Variants in SUCO observed in about 807,000 individuals in gnomAD.
The protein encoded by SUCO is SUN domain-containing ossification factor.
In SUCO, 57 loss-of-function variants were observed where a neutral mutation model predicts 148.1. The ratio of observed to expected loss-of-function variants is 0.38; its 90% CI spans 0.31 to 0.48. The LOEUF (loss-of-function observed/expected upper bound fraction) is 0.48, where lower values mean the gene tolerates loss of function less well. Among genes scored for constraint, SUCO ranks in the 20% least tolerant of loss-of-function variants. The pLI is 0.96. For synonymous variants in SUCO, 470 were observed against 502.7 expected, an observed-to-expected ratio of 0.93 and a Z score of 0.87; for missense variants, 1,331 against 1,468.2, an observed-to-expected ratio of 0.91 and a Z score of 1.53.
At chr1:172,600,898 G>C (rs1209254207) in intron 20 of SUCO, among the ~76,000 whole-genome samples, 3 of 152,152 alleles carry the variant, frequency 2.0e-5, no homozygotes, top group African/African-American at 7.2e-5. Context: ...CTGGAGAGTA[G>C]AAACAGTGTA....
intron 1 of SUCO, among the ~76,000 whole-genome samples, chr1:172,541,464 G>A (rs74124231): frequency 0.034 from 5,196 of 152,286 alleles, 268 homozygotes; most frequent in African/African-American, 0.12. Flanking sequence ...AGGGATGACC[G>A]GGCTAAAAAG....
intron 1 of SUCO, chr1:172,542,668 A>C: frequency 1.1e-6 from 1 of 936,212 alleles, no homozygotes; most frequent in Non-Finnish European, 1.3e-6. Flanking sequence ...CATCCATGGC[A>C]AAGTAGTCTT....
intron 10 of SUCO, among the ~76,000 whole-genome samples, chr1:172,574,429 A>G (rs959596467): frequency 2.0e-5 from 3 of 152,034 alleles, no homozygotes; most frequent in African/African-American, 7.2e-5. Flanking sequence ...TATTTTTATT[A>G]AAATATATTC....
chr1:172,570,439 C>A, intron 8 of SUCO: 1 of 496,690 alleles, frequency 2.0e-6, no homozygotes, highest in South Asian at 3.7e-5. Flanking sequence ...TTTAAAGTAA[C>A]AGGCATTGAA....
chr1:172,589,768 T>C lies in SUCO; in HGVS notation c.2667T>C (p.Ala889=), dbSNP rs1378646234. The stretch of plus-strand genomic sequence containing the variant: ...AGAGGACAGCTACAGATTTTTATGC[T>C]GAATTGCAAAATTCTACAGATCTAG... ...GLQRTATDFY[A]ELQNSTDLGY... is the part of the protein sequence containing the mutation. The change falls in exon 18 of 24, where the codon GCT becomes GCC. Residue 889 remains alanine, a synonymous_variant. Coordinates refer to ENST00000263688, the MANE Select transcript of SUCO (RefSeq NM_014283.5). 6.2e-7 allele frequency: 1 copy of C among 1,612,020 alleles called. No individual in the cohort carries two copies. The highest frequency in any genetic ancestry group is 8.5e-7 in the Non-Finnish European group (1 of 1,179,248).
In SUCO at chr1:172,533,414, C is replaced by T. The variant is rs1213957686; in HGVS notation, c.-22C>T. ...GCCGGGAGGATGTGCCGCCTTCTGGCAGGGGGAAGAAGGAGGAGAAGATGA... is the reference window on the plus strand; with the variant it reads ...GCCGGGAGGATGTGCCGCCTTCTGGTAGGGGGAAGAAGGAGGAGAAGATGA... On this transcript the variant is annotated 5_prime_UTR_variant, in exon 1 of 24. Coordinates refer to ENST00000263688, the MANE Select transcript of SUCO (RefSeq NM_014283.5). The T allele has an allele frequency of 2.6e-6, 4 of 1,554,544 alleles. No homozygotes were observed. Among genetic ancestry groups the T allele is most frequent in the Non-Finnish European group, 3.5e-6 (4 of 1,148,614 alleles).
At chr1:172,602,335 T>G in intron 21 of SUCO, 117 bp downstream of exon 21, 7 of 1,405,734 alleles carry the variant, frequency 5.0e-6, no homozygotes, top group Non-Finnish European at 5.6e-6. Context: ...TATGATTATC[T>G]TGAAACCAAA....
At chr1:172,556,102 G>A in intron 4 of SUCO, 79 bp downstream of exon 4, 1 of 1,153,512 alleles carries the variant, frequency 8.7e-7, no homozygotes, top group South Asian at 1.4e-5. Flanking sequence ...AGATAAAGCA[G>A]CTTGATACTC....
At chr1:172,542,624 G>A (rs1652561432) in intron 1 of SUCO, 1 of 446,280 alleles carries the variant, frequency 2.2e-6, no homozygotes, top group Non-Finnish European at 3.0e-6. Context: ...TCTAGGTTGT[G>A]TACTCCTTAT....
intron 1 of SUCO, among the ~76,000 whole-genome samples, chr1:172,543,271 G>C (rs553817417): frequency 3.6e-4 from 55 of 152,272 alleles, no homozygotes; most frequent in African/African-American, 1.2e-3. Flanking sequence ...TCCTAATAGA[G>C]ACTTTGTTTG....
intron 15 of SUCO, among the ~76,000 whole-genome samples, chr1:172,584,113 GAGTTT>G (rs1291249459): frequency 1.3e-5 from 2 of 152,124 alleles, no homozygotes; most frequent in Non-Finnish European, 2.9e-5. Flanking sequence ...TTTGGTCAAT[GAGTTT>G]TTTAAAAGTC....
At chr1:172,567,140 G>T (rs1162137797) in intron 6 of SUCO, among the ~76,000 whole-genome samples, 3 of 152,170 alleles carry the variant, frequency 2.0e-5, no homozygotes, top group Non-Finnish European at 4.4e-5. Flanking sequence ...AAGAAAAGAA[G>T]AAATAGTCCC....
rs1427211067 is a variant in SUCO at position 172,533,387 on chromosome 1, C to A, written c.-49C>A. 13 of 1,551,776 alleles carry A rather than the reference C, an allele frequency of 8.4e-6. No homozygotes were observed. The highest frequency in any genetic ancestry group is 1.1e-5 in the Non-Finnish European group (13 of 1,147,144). ...TCCATCTTGGCCTCGGCAGTGGCGG[C>A]TGCCGGGAGGATGTGCCGCCTTCTG... On this transcript the variant is annotated 5_prime_UTR_variant, in exon 1 of 24. The change creates a new upstream start codon in the 5' untranslated region. Coordinates refer to ENST00000263688, the MANE Select transcript of SUCO (RefSeq NM_014283.5).
At chr1:172,597,601 CT>C (rs144719765) in intron 19 of SUCO, among the ~76,000 whole-genome samples, 29 of 151,676 alleles carry the variant, frequency 1.9e-4, no homozygotes, top group African/African-American at 4.8e-4. Flanking sequence ...ATCGTCATAC[CT>C]TTTTTTTCCC....
chr1:172,559,316 A>G (rs1451471204), intron 6 of SUCO, among the ~76,000 whole-genome samples: 1 of 152,156 alleles, frequency 6.6e-6, no homozygotes, highest in Non-Finnish European at 1.5e-5. Flanking sequence ...GGGTAAATGT[A>G]TGTTCTTTTT....
intron 6 of SUCO, among the ~76,000 whole-genome samples, chr1:172,561,784 A>G (rs1170432741): frequency 1.3e-5 from 2 of 152,178 alleles, no homozygotes; most frequent in African/African-American, 4.8e-5. Flanking sequence ...TCCCCTGGCC[A>G]CAGGGTTCCC....
At chr1:172,537,066 C>G (rs989819415) in intron 1 of SUCO, among the ~76,000 whole-genome samples, 1 of 151,992 alleles carries the variant, frequency 6.6e-6, no homozygotes, top group African/African-American at 2.4e-5. Flanking sequence ...CAGCCTATAC[C>G]CTATACCATA....
intron 15 of SUCO, among the ~76,000 whole-genome samples, chr1:172,582,838 T>A (rs937895131): frequency 6.6e-6 from 1 of 152,150 alleles, no homozygotes; most frequent in Non-Finnish European, 1.5e-5. Context: ...CCTGAAATGA[T>A]GATAATAAAT....
intron 21 of SUCO, 82 bp from the exon 22 acceptor site, chr1:172,602,614 A>G: frequency 6.4e-7 from 1 of 1,555,298 alleles, no homozygotes; most frequent in Non-Finnish European, 8.6e-7. Context: ...GTTCTCAATA[A>G]CCTCTGTGTA....
Sources: gnomAD v4.1 joint callset for allele counts (sites outside exome capture counted in the v4.1 genomes callset) on GRCh38, gnomAD v4.1.1 for gene constraint, MANE v1.5 for transcripts, NCBI Gene and HGNC (gene_info 2026-07-23, HGNC 2026-07-21) for gene names.